CPEB4: variants seen among roughly 807,000 people sequenced by gnomAD.
CPEB4 encodes the protein cytoplasmic polyadenylation element binding protein 4.
In CPEB4, 12 loss-of-function variants were observed where a neutral mutation model predicts 72.5. The ratio of observed to expected loss-of-function variants is 0.17; its 90% CI spans 0.11 to 0.27. CPEB4 has a LOEUF of 0.27. Ranked by LOEUF, CPEB4 falls within the 10% of genes least tolerant of loss-of-function variation. The pLI is 1.00. For synonymous variants in CPEB4, 302 were observed against 326.3 expected (o/e 0.93, Z 0.80); for missense variants, 614 against 908.5 (o/e 0.68, Z 4.17).
rs768065872 is a variant in CPEB4 at position 173,890,487 on chromosome 5, T to A, written c.754T>A (p.Ser252Thr). The change falls in exon 1 of 10, where the codon TCT (serine) becomes ACT (threonine). Residue 252 changes from serine to threonine, a missense_variant. Ser to Thr is a moderately conservative substitution (Grantham distance 58, BLOSUM62 1). Coordinates refer to ENST00000265085, the MANE Select transcript of CPEB4 (RefSeq NM_030627.4). ...HHSQHQQQRR[S>T]PASPHPPPFT... is the part of the protein sequence containing the mutation. ...CAGCCAGCATCAGCAGCAAAGGAGG[T>A]CTCCTGCCAGTCCCCATCCCCCACC... 1.9e-6 allele frequency: 3 copies of A among 1,610,724 alleles called. No homozygotes were observed. In the African/African-American group the frequency reaches 4.0e-5, roughly 22 times the overall value.
At chr5:173,920,618 T>C (rs1441330054) in intron 2 of CPEB4, among the ~76,000 whole-genome samples, 3 of 152,180 alleles carry the variant, frequency 2.0e-5, no homozygotes, top group African/African-American at 7.2e-5. Context: ...GTGCCTTAGA[T>C]TGGTCACTTC....
intron 2 of CPEB4, among the ~76,000 whole-genome samples, chr5:173,928,857 G>C (rs984995282): frequency 7.2e-5 from 11 of 152,108 alleles, no homozygotes; most frequent in Non-Finnish European, 1.3e-4. Context: ...GAGAATTTAC[G>C]GAAGAGTAGG....
chr5:173,942,765 A>G (rs941245070), intron 3 of CPEB4, among the ~76,000 whole-genome samples: 1 of 152,222 alleles, frequency 6.6e-6, no homozygotes, highest in Non-Finnish European at 1.5e-5. Flanking sequence ...TTGGGCAACA[A>G]TTACAGCAAA....
At chr5:173,891,481 T>G (rs1755807958) in intron 1 of CPEB4, 1 of 152,212 alleles carries the variant, frequency 6.6e-6, no homozygotes, top group Admixed American at 6.5e-5. Flanking sequence ...ATCTAAATGT[T>G]TTCTTCATCC....
intron 2 of CPEB4, among the ~76,000 whole-genome samples, chr5:173,921,919 C>T (rs1011292136): frequency 6.6e-6 from 1 of 152,194 alleles, no homozygotes; most frequent in South Asian, 2.1e-4. Flanking sequence ...CTCTTTTATT[C>T]AGTGCCCCTT....
rs1338432343 is a variant in CPEB4 at position 173,922,739 on chromosome 5, A to G, written c.1208-9711A>G. On this transcript the variant is annotated intron_variant, in intron 2 of 9. Transcript: ENST00000265085. ...TGGGACTTAAGCATGTGCATTCTTC[A>G]TGTGATTCAGATACACTTCCTTCGC... Among the ~76,000 whole-genome samples the G allele has an allele frequency of 3.9e-5, 6 of 152,158 alleles. 1 individual carries two copies. Among genetic ancestry groups the G allele is most frequent in the Non-Finnish European group, 1.5e-5 (1 of 68,042 alleles).
rs747688992 is a variant in CPEB4 at position 173,943,095 on chromosome 5, C to A, written c.1282+46C>A. On this transcript the variant is annotated intron_variant, in intron 4 of 9. Transcript: ENST00000265085. ...TAAATGTATCACTTGTATTTGGAGA[C>A]GACCCAAGCTTGTTTAATTTCTAAC... The A allele has an allele frequency of 5.0e-5, 80 of 1,588,984 alleles. No individual in the cohort carries two copies. The South Asian group carries it at 6.4e-4, about 13-fold the overall frequency.
chr5:173,939,712 A>G (rs556288059), intron 3 of CPEB4, among the ~76,000 whole-genome samples: 1 of 151,906 alleles, frequency 6.6e-6, no homozygotes, highest in Non-Finnish European at 1.5e-5. Context: ...AATAGCAGGT[A>G]TCCAGAAGTT....
intron 1 of CPEB4, among the ~76,000 whole-genome samples, chr5:173,892,832 T>C (rs1211912330): frequency 6.6e-6 from 1 of 152,238 alleles, no homozygotes; most frequent in East Asian, 1.9e-4. Flanking sequence ...ATAGTTAGAC[T>C]AAGATTGATA....
At chr5:173,890,902 A>G in intron 1 of CPEB4, 44 bp downstream of exon 1, 3 of 1,545,562 alleles carry the variant, frequency 1.9e-6, no homozygotes, top group Non-Finnish European at 2.6e-6. Context: ...ATAAGGAAAT[A>G]GCATGGTGTA....
chr5:173,912,305 A>G (rs556649502), intron 2 of CPEB4, among the ~76,000 whole-genome samples: 5 of 152,340 alleles, frequency 3.3e-5, no homozygotes, highest in African/African-American at 9.6e-5. Flanking sequence ...GAAAAATTGT[A>G]CACTCTTAAA....
In CPEB4 at chr5:173,950,632, AT is replaced by A. The variant is rs58594456; in HGVS notation, c.1665+555del. Among the ~76,000 whole-genome samples the A allele has an allele frequency of 9.9e-5, 15 of 151,842 alleles. No homozygotes were observed. The highest frequency in any genetic ancestry group is 2.1e-4 in the South Asian group (1 of 4,824). On this transcript the variant is annotated intron_variant, in intron 7 of 9. Transcript: ENST00000265085. The surrounding 1 kb of genome is among the most constrained non-coding windows in gnomAD (Gnocchi z 5.0). ...ATAAAATAAAATAAAATAAAATAAA[AT>A]AAAAAACCAGACTTCATTTGATAAT... is the stretch of plus-strand genomic sequence containing the variant.
At chr5:173,916,632 G>A (rs572080175) in intron 2 of CPEB4, among the ~76,000 whole-genome samples, 2 of 152,134 alleles carry the variant, frequency 1.3e-5, no homozygotes, top group African/African-American at 4.8e-5. Flanking sequence ...TAAATTTAGA[G>A]ACCCTTCCCT....
intron 1 of CPEB4, among the ~76,000 whole-genome samples, chr5:173,905,056 C>T (rs1249907331): frequency 6.7e-6 from 1 of 150,214 alleles, no homozygotes. Flanking sequence ...TTAATTAAGA[C>T]AGTGTTTATC....
Position 173,950,175 on chromosome 5 carries a change from T to C in CPEB4, c.1665+97T>C. 1.5e-6 allele frequency: 1 copy of C among 668,210 alleles called. No individual in the cohort carries two copies. Among genetic ancestry groups the C allele is most frequent in the Non-Finnish European group, 2.6e-6 (1 of 391,160 alleles). 41.4% of individuals were successfully genotyped at this position (668,210 alleles called of 1,614,324 possible). ...AGACAACTTGATGTGTTTGGGGTAC[T>C]TAATTGACATGTTTGTAAGCAGACT... is the stretch of plus-strand genomic sequence containing the variant. On this transcript the variant is annotated intron_variant, in intron 7 of 9. Coordinates refer to ENST00000265085, the MANE Select transcript of CPEB4 (RefSeq NM_030627.4). The surrounding 1 kb of genome is among the most constrained non-coding windows in gnomAD (Gnocchi z 5.0).
At chr5:173,923,752 T>C (rs1005159041) in intron 2 of CPEB4, among the ~76,000 whole-genome samples, 4 of 152,146 alleles carry the variant, frequency 2.6e-5, no homozygotes, top group African/African-American at 9.7e-5. Flanking sequence ...AAACTACACC[T>C]AGTTTTGCCG....
In CPEB4 at chr5:173,959,759, A is replaced by G. The variant is rs1436870621; in HGVS notation, c.*3622A>G. On this transcript the variant is annotated 3_prime_UTR_variant, in exon 10 of 10. Transcript: ENST00000265085. ...GTCATTTGCTTTATTTTATTATTTT[A>G]AAGCTACTGTGATTGATAGCATTGT... 2 of 152,494 alleles carry G rather than the reference A, an allele frequency of 1.3e-5. No homozygotes were observed. The highest frequency in any genetic ancestry group is 2.9e-5 in the Non-Finnish European group (2 of 68,008). 9.4% of individuals were successfully genotyped at this position (152,494 alleles called of 1,614,324 possible).
At chr5:173,943,168 AG>A in intron 4 of CPEB4, 119 bp downstream of exon 4, 1 of 990,900 alleles carries the variant, frequency 1.0e-6, no homozygotes, top group South Asian at 1.7e-5. Context: ...TTTGATCCTT[AG>A]GTAATTTTTG....
intron 1 of CPEB4, among the ~76,000 whole-genome samples, chr5:173,903,600 C>T (rs1470554407): frequency 6.6e-6 from 1 of 152,060 alleles, no homozygotes; most frequent in African/African-American, 2.4e-5. Context: ...GACGTACTCT[C>T]AAGTATGAGA....
Sources: allele counts gnomAD v4.1 joint callset (sites outside exome capture counted in the v4.1 genomes callset), GRCh38; gene constraint gnomAD v4.1.1; non-coding constraint Gnocchi (gnomAD v3.1); transcripts MANE v1.5; gene names NCBI Gene and HGNC (gene_info 2026-07-23, HGNC 2026-07-21).